Variants in WDSUB1 observed in about 807,000 individuals in gnomAD.
WDSUB1 encodes WD repeat, sterile alpha motif and U-box domain containing 1, also known as WD repeat, SAM and U-box domain-containing protein 1.
In WDSUB1, 49 loss-of-function variants were observed where a neutral mutation model predicts 53.9. The observed-to-expected ratio is 0.91, with a 90% CI of 0.72 to 1.15. The LOEUF (loss-of-function observed/expected upper bound fraction) is 1.15. Ranked by LOEUF, WDSUB1 falls within the 50% of genes most tolerant of loss-of-function variation. The pLI, the probability that WDSUB1 is intolerant of heterozygous loss-of-function variation, is 0.00. For synonymous variants in WDSUB1, 194 were observed against 200.6 expected (o/e 0.97, Z 0.28); for missense variants, 514 against 562.0 (o/e 0.91, Z 0.86).
chr2:159,276,893 T>C (rs1008078143), intron 3 of WDSUB1, among the ~76,000 whole-genome samples: 4 of 152,080 alleles, frequency 2.6e-5, no homozygotes, highest in Non-Finnish European at 4.4e-5. Context: ...TAGTTGTAGC[T>C]ACTTAGGAGG....
chr2:159,271,832 C>T (rs11902271), intron 4 of WDSUB1, 37 bp from the exon 5 acceptor site: 1 of 1,537,758 alleles, frequency 6.5e-7, no homozygotes, highest in Non-Finnish European at 9.0e-7. Flanking sequence ...AGAAAGCTGA[C>T]CATGCTTAGA....
At chr2:159,282,452 A>G (rs2061686190) in intron 2 of WDSUB1, among the ~76,000 whole-genome samples, 1 of 152,210 alleles carries the variant, frequency 6.6e-6, no homozygotes, top group African/African-American at 2.4e-5. Flanking sequence ...TTGGCCTCCC[A>G]AAGTGCTGGG....
chr2:159,245,055 T>C (rs1246454936), intron 10 of WDSUB1, among the ~76,000 whole-genome samples: 2 of 152,202 alleles, frequency 1.3e-5, no homozygotes, highest in Non-Finnish European at 2.9e-5. Context: ...ACCATGTTCA[T>C]GGATTAGAGC....
intron 10 of WDSUB1, among the ~76,000 whole-genome samples, chr2:159,242,431 C>T (rs184947672): frequency 0.011 from 1,608 of 145,802 alleles, 251 homozygotes; most frequent in African/African-American, 0.042. Context: ...TTTTGGGAGG[C>T]GGGCAGATCA....
intron 10 of WDSUB1, among the ~76,000 whole-genome samples, chr2:159,242,317 AAAGTGCTGGGAT>A (rs1438476004): frequency 6.9e-6 from 1 of 145,970 alleles, no homozygotes; most frequent in Non-Finnish European, 1.5e-5. Context: ...TCGGCCTCCC[AAAGTGCTGGGAT>A]TACAGGCGTG....
In WDSUB1 at chr2:159,259,392, T is replaced by G. The variant is rs1330824843; in HGVS notation, c.804+418A>C. ...CATTTTCCAAGTCCATGATAACCTA[T>G]CCTTTCTTATGCCTCTCCCTAAATC... On this transcript the variant is annotated intron_variant, in intron 6 of 10. Coordinates refer to ENST00000359774, the MANE Select transcript of WDSUB1 (RefSeq NM_001128212.3). Among the ~76,000 whole-genome samples, 3 of 152,280 alleles carry G rather than the reference T, an allele frequency of 2.0e-5. No individual in the cohort carries two copies. In the East Asian group the frequency reaches 5.8e-4, roughly 29 times the overall value.
intron 9 of WDSUB1, among the ~76,000 whole-genome samples, chr2:159,255,033 G>A (rs2061030495): frequency 6.6e-6 from 1 of 152,246 alleles, no homozygotes; most frequent in South Asian, 2.1e-4. Context: ...GGGAGGCTGA[G>A]ACAGGAAGAC....
At chr2:159,244,763 A>T (rs576458374) in intron 10 of WDSUB1, among the ~76,000 whole-genome samples, 156 of 152,224 alleles carry the variant, frequency 1.0e-3, no homozygotes, top group African/African-American at 3.7e-3. Flanking sequence ...TCTCTACAAA[A>T]ATAAAAATTT....
rs760635330 is a variant in WDSUB1 at position 159,236,138 on chromosome 2, T to C, written c.1326A>G (p.Lys442=). ...CAAGATTTGTCATGGGACTTGTACG[T>C]TTCTTTTTGCTGATCCAATTTTCCA... The part of the protein sequence containing the change: ...EAMENWISKK[K]RTSPMTNLVL... The change falls in exon 11 of 11, where the codon AAA becomes AAG. Residue 442 remains lysine (K), a synonymous_variant. Coordinates refer to ENST00000359774, the MANE Select transcript of WDSUB1 (RefSeq NM_001128212.3). The C allele has an allele frequency of 2.7e-5, 44 of 1,613,714 alleles. No homozygotes were observed. The highest frequency in any genetic ancestry group is 2.1e-5 in the Non-Finnish European group (25 of 1,179,848).
At chr2:159,266,674 T>C (rs2061354460) in intron 5 of WDSUB1, among the ~76,000 whole-genome samples, 1 of 152,222 alleles carries the variant, frequency 6.6e-6, no homozygotes, top group African/African-American at 2.4e-5. Context: ...TAGCTAGGCT[T>C]TGCATGTTAG....
At chr2:159,249,100 A>C (rs1441426754) in intron 9 of WDSUB1, among the ~76,000 whole-genome samples, 2 of 152,250 alleles carry the variant, frequency 1.3e-5, no homozygotes, top group Non-Finnish European at 2.9e-5. Flanking sequence ...CCAGACACTA[A>C]TATACTCTAC....
chr2:159,251,049 G>T (rs889415931), intron 9 of WDSUB1, among the ~76,000 whole-genome samples: 1 of 151,678 alleles, frequency 6.6e-6, no homozygotes, highest in Non-Finnish European at 1.5e-5. Flanking sequence ...CACTGCTTAA[G>T]ACCAGGAGTT....
At chr2:159,270,833 A>C (rs1208954394) in intron 5 of WDSUB1, among the ~76,000 whole-genome samples, 1 of 145,524 alleles carries the variant, frequency 6.9e-6, no homozygotes, top group African/African-American at 2.8e-5. Context: ...AATGGCTCAA[A>C]TATAAAAATA....
chr2:159,244,555 C>T (rs973190033), intron 10 of WDSUB1, among the ~76,000 whole-genome samples: 1 of 152,206 alleles, frequency 6.6e-6, no homozygotes, highest in Non-Finnish European at 1.5e-5. Flanking sequence ...GATGACTTTA[C>T]TACTCAATGT....
chr2:159,271,643 C>T lies in WDSUB1; in HGVS notation c.770+59G>A, dbSNP rs990169060. 82 of 1,396,034 alleles carry T rather than the reference C, an allele frequency of 5.9e-5. 2 individuals carry two copies. Among genetic ancestry groups the T allele is most frequent in the African/African-American group, 4.4e-4 (31 of 69,978 alleles). The allele number at this position is 1,396,034 out of a possible 1,614,324, so 86.5% of individuals were successfully genotyped here. A position where few individuals can be genotyped will look rare whatever the true frequency, so the allele number is the denominator to read the frequency against. ...TTCTTTGAGGTTTCATGTACTTTTCCGTGTGTCTGTTTGATTTCATATAAA... is the reference window on the plus strand; with the variant it reads ...TTCTTTGAGGTTTCATGTACTTTTCTGTGTGTCTGTTTGATTTCATATAAA... On this transcript the variant is annotated intron_variant, in intron 5 of 10. Transcript: ENST00000359774.
intron 10 of WDSUB1, 49 bp downstream of exon 10, chr2:159,248,323 T>G: frequency 5.7e-6 from 9 of 1,582,490 alleles, no homozygotes; most frequent in Non-Finnish European, 7.7e-6. Context: ...AACTTTTTAT[T>G]CATTTAGCAC....
rs1449899088 is a variant in WDSUB1 at position 159,273,855 on chromosome 2, G to A, written c.676+1691C>T. On this transcript the variant is annotated intron_variant, in intron 4 of 10. Coordinates refer to ENST00000359774, the MANE Select transcript of WDSUB1 (RefSeq NM_001128212.3). ...TACTAAAGGAACATATTTATTTCCC[G>A]ATAAAAGGTTCTTCTCTATACACTA... 2.6e-5 allele frequency among the ~76,000 whole-genome samples: 4 copies of A among 152,102 alleles called. No homozygotes were observed. The East Asian group carries it at 5.8e-4, about 22-fold the overall frequency.
At chr2:159,266,004 C>T (rs185869558) in intron 5 of WDSUB1, among the ~76,000 whole-genome samples, 1 of 152,168 alleles carries the variant, frequency 6.6e-6, no homozygotes. Context: ...AAATGTAGAA[C>T]AATGCCACTC....
chr2:159,270,820 A>G (rs537918399), intron 5 of WDSUB1, among the ~76,000 whole-genome samples: 1 of 151,246 alleles, frequency 6.6e-6, no homozygotes, highest in African/African-American at 2.5e-5. Flanking sequence ...GCAACTAGCA[A>G]CAAATGGCTC....
Sources: allele counts gnomAD v4.1 joint callset (sites outside exome capture counted in the v4.1 genomes callset), GRCh38; gene constraint gnomAD v4.1.1; transcripts MANE v1.5; gene names NCBI Gene and HGNC (gene_info 2026-07-23, HGNC 2026-07-21).